PLPPR1: variants seen among roughly 807,000 people sequenced by gnomAD.
PLPPR1 encodes phospholipid phosphatase related 1, also known as phospholipid phosphatase-related protein type 1.
PLPPR1 carries 10 observed loss-of-function variants against 33.1 expected under a neutral mutation model. The ratio of observed to expected loss-of-function variants is 0.30; its 90% CI spans 0.19 to 0.51. The LOEUF (loss-of-function observed/expected upper bound fraction) is 0.51, where lower values mean the gene tolerates loss of function less well. Ranked by LOEUF, PLPPR1 falls within the 20% of genes least tolerant of loss-of-function variation. The pLI, the probability that PLPPR1 is intolerant of heterozygous loss-of-function variation, is 0.97. For synonymous variants in PLPPR1, 151 were observed against 151.0 expected (o/e 1.00, Z 0.00); for missense variants, 304 against 408.1 (o/e 0.74, Z 2.20).
chr9:101,274,109 C>A (rs1469217309), intron 3 of PLPPR1, among the ~76,000 whole-genome samples: 1 of 152,202 alleles, frequency 6.6e-6, no homozygotes, highest in African/African-American at 2.4e-5. Context: ...GTGGACAGAG[C>A]ATTAAGCACC....
At chr9:101,264,120 G>T (rs1827946061) in intron 2 of PLPPR1, among the ~76,000 whole-genome samples, 1 of 152,078 alleles carries the variant, frequency 6.6e-6, no homozygotes, top group Admixed American at 6.5e-5. Context: ...CCCAGCCCTT[G>T]TGTGCAACTA....
intron 2 of PLPPR1, among the ~76,000 whole-genome samples, chr9:101,208,552 T>C (rs575650178): frequency 6.6e-6 from 1 of 152,358 alleles, no homozygotes; most frequent in Non-Finnish European, 1.5e-5. Context: ...GCTAAGTAGC[T>C]CTCTACTGGA....
chr9:101,157,846 A>G (rs562423010), intron 1 of PLPPR1, among the ~76,000 whole-genome samples: 40 of 152,070 alleles, frequency 2.6e-4, no homozygotes, highest in Admixed American at 1.1e-3. Context: ...ATTAAAAAAA[A>G]ATTAAAAATT....
At chr9:101,191,075 A>G (rs1223007942) in intron 2 of PLPPR1, among the ~76,000 whole-genome samples, 1 of 152,156 alleles carries the variant, frequency 6.6e-6, no homozygotes. Context: ...GCCAGGATAT[A>G]AACTTTTCTA....
intron 1 of PLPPR1, among the ~76,000 whole-genome samples, chr9:101,047,164 T>G (rs1384408868): frequency 6.6e-6 from 1 of 152,214 alleles, no homozygotes; most frequent in Non-Finnish European, 1.5e-5. Context: ...GATTTATAGT[T>G]TTTTGAGTCT....
chr9:101,265,244 T>A (rs1433591981), intron 2 of PLPPR1, among the ~76,000 whole-genome samples: 1 of 152,214 alleles, frequency 6.6e-6, no homozygotes, highest in Non-Finnish European at 1.5e-5. Context: ...CGTGGAATGA[T>A]CAGCACTTAA....
chr9:101,201,397 C>A (rs988665113), intron 2 of PLPPR1, among the ~76,000 whole-genome samples: 1 of 152,126 alleles, frequency 6.6e-6, no homozygotes, highest in Non-Finnish European at 1.5e-5. Context: ...TCTTTGGCAT[C>A]TCCTAAGATG....
intron 1 of PLPPR1, among the ~76,000 whole-genome samples, chr9:101,069,382 C>A (rs898394160): frequency 5.3e-5 from 8 of 152,058 alleles, no homozygotes; most frequent in Admixed American, 3.9e-4. Flanking sequence ...CTCTCTAGAG[C>A]CCATGATTAG....
chr9:101,218,257 G>T (rs1402873827), intron 2 of PLPPR1, among the ~76,000 whole-genome samples: 1 of 152,118 alleles, frequency 6.6e-6, no homozygotes, highest in Admixed American at 6.6e-5. Flanking sequence ...TCAGTATTCT[G>T]TTAAGTGGAA....
intron 1 of PLPPR1, among the ~76,000 whole-genome samples, chr9:101,141,180 A>T (rs1437241526): frequency 6.6e-6 from 1 of 152,192 alleles, no homozygotes; most frequent in African/African-American, 2.4e-5. Context: ...AAGAGAGATC[A>T]GTCTCCTAGG....
intron 1 of PLPPR1, among the ~76,000 whole-genome samples, chr9:101,097,289 A>C (rs913532557): frequency 5.9e-5 from 9 of 152,188 alleles, no homozygotes; most frequent in Admixed American, 2.6e-4. Flanking sequence ...TTTGAGAACC[A>C]CTGTCCTAAG....
intron 1 of PLPPR1, among the ~76,000 whole-genome samples, chr9:101,042,001 G>T (rs76190468): frequency 1.3e-5 from 2 of 152,102 alleles, no homozygotes; most frequent in African/African-American, 4.8e-5. Context: ...CATCAGGGAA[G>T]GTAAGTCTGG....
chr9:101,042,332 A>C (rs1414087795), intron 1 of PLPPR1, among the ~76,000 whole-genome samples: 1 of 152,092 alleles, frequency 6.6e-6, no homozygotes, highest in African/African-American at 2.4e-5. Flanking sequence ...TGAATTCAAG[A>C]TTCTTTGTTG....
At chr9:101,252,490 A>G (rs1407571684) in intron 2 of PLPPR1, among the ~76,000 whole-genome samples, 1 of 152,140 alleles carries the variant, frequency 6.6e-6, no homozygotes, top group African/African-American at 2.4e-5. Flanking sequence ...TGGGAAAGAC[A>G]TTATCTTAGT....
At chr9:101,277,371 A>T (rs551336428) in intron 3 of PLPPR1, among the ~76,000 whole-genome samples, 1 of 152,328 alleles carries the variant, frequency 6.6e-6, no homozygotes, top group Non-Finnish European at 1.5e-5. Flanking sequence ...CAGAGATATC[A>T]GCAAATGTGA....
At chr9:101,194,303 A>G (rs1826354169) in intron 2 of PLPPR1, among the ~76,000 whole-genome samples, 1 of 152,210 alleles carries the variant, frequency 6.6e-6, no homozygotes, top group African/African-American at 2.4e-5. Context: ...TAAAAGCATA[A>G]CTGATATAGT....
At chr9:101,050,380 A>T (rs535820100) in intron 1 of PLPPR1, among the ~76,000 whole-genome samples, 57 of 152,206 alleles carry the variant, frequency 3.7e-4, no homozygotes, top group Non-Finnish European at 7.5e-4. Flanking sequence ...TTTATTTTAA[A>T]TATGAAGTCA....
At chr9:101,273,046 T>C (rs1273449917) in intron 3 of PLPPR1, among the ~76,000 whole-genome samples, 1 of 152,240 alleles carries the variant, frequency 6.6e-6, no homozygotes, top group Non-Finnish European at 1.5e-5. Flanking sequence ...GTGCCAGCCA[T>C]GTTTTTGAAA....
chr9:101,034,676 T>C (rs918534308), intron 1 of PLPPR1, among the ~76,000 whole-genome samples: 8 of 152,114 alleles, frequency 5.3e-5, no homozygotes, highest in African/African-American at 1.9e-4. Flanking sequence ...TAACTGAGTT[T>C]GTTGTAAAGG....
Sources: gnomAD v4.1 joint callset for allele counts (sites outside exome capture counted in the v4.1 genomes callset) on GRCh38, gnomAD v4.1.1 for gene constraint, MANE v1.5 for transcripts, NCBI Gene and HGNC (gene_info 2026-07-23, HGNC 2026-07-21) for gene names.